Variants in MGAT5 observed in about 807,000 individuals in gnomAD.
MGAT5 encodes alpha-1,6-mannosylglycoprotein 6-beta-N-acetylglucosaminyltransferase A.
Under a neutral mutation model 94.3 loss-of-function variants are expected in MGAT5, and 30 were observed. The observed-to-expected ratio is 0.32, with a 90% CI of 0.24 to 0.43. MGAT5 has a LOEUF of 0.43. Among genes scored for constraint, MGAT5 ranks in the 20% least tolerant of loss-of-function variants. The pLI is 1.00. For missense variants in MGAT5, 691 were observed against 905.5 expected (o/e 0.76, Z 3.04); for synonymous variants, 310 against 322.9 (o/e 0.96, Z 0.43).
Position 134,341,638 on chromosome 2 carries a change from G to T in MGAT5, c.856G>T (p.Ala286Ser). The T allele has an allele frequency of 6.2e-7, 1 of 1,613,568 alleles. No homozygotes were observed. Among genetic ancestry groups the T allele is most frequent in the Non-Finnish European group, 8.5e-7 (1 of 1,179,734 alleles). Residue 286 changes from alanine (A) to serine (S), a missense_variant, in exon 7 of 16, where the codon GCA becomes TCA. Physicochemically the swap from Ala to Ser is moderately conservative, Grantham distance 99 (BLOSUM62 1). Around this residue, in one of 4 missense-constraint regions of MGAT5, gnomAD observed 121 missense variants for 206.1 expected, o/e 0.59. Coordinates refer to ENST00000281923, the MANE Select transcript of MGAT5 (RefSeq NM_002410.5). ...GACCAAGGAATCTGGATTTAAGATT[G>T]CAGAGACAGCTTTCAGTGGTGGCCC... ...LLTKESGFKI[A>S]ETAFSGGPLG...
intron 1 of MGAT5, among the ~76,000 whole-genome samples, chr2:134,224,283 C>T (rs1292201539): frequency 6.6e-6 from 1 of 152,090 alleles, no homozygotes; most frequent in African/African-American, 2.4e-5. Flanking sequence ...TGGTATCTTC[C>T]ATAAGTATTA....
chr2:134,311,630 A>G (rs143450885), intron 2 of MGAT5, among the ~76,000 whole-genome samples: 205 of 152,212 alleles, frequency 1.3e-3, no homozygotes, highest in Non-Finnish European at 2.2e-3. Flanking sequence ...ACATGGTACC[A>G]CCTTTAAGCA....
At chr2:134,435,753 T>G (rs562939221) in intron 14 of MGAT5, among the ~76,000 whole-genome samples, 8 of 152,334 alleles carry the variant, frequency 5.3e-5, no homozygotes, top group African/African-American at 1.4e-4. Flanking sequence ...CTCTGAGCCC[T>G]TATGCTTTTC....
rs1283419141 is a variant in MGAT5 at position 134,268,421 on chromosome 2, A to G, written c.242-1965A>G. Among the ~76,000 whole-genome samples, 1 of 152,116 alleles carries G rather than the reference A, an allele frequency of 6.6e-6. No individual in the cohort carries two copies. The highest frequency in any genetic ancestry group is 1.5e-5 in the Non-Finnish European group (1 of 68,026). On this transcript the variant is annotated intron_variant, in intron 1 of 15. Coordinates refer to ENST00000281923, the MANE Select transcript of MGAT5 (RefSeq NM_002410.5). The surrounding 1 kb of genome is among the most constrained non-coding windows in gnomAD (Gnocchi z 4.1). ...CCCTTCTGTGTGACTGGCCTCTGGC[A>G]CTCTTCAGAACTCTGGAGAGCCAGT...
chr2:134,147,824 A>C (rs1161905506), intron 1 of MGAT5, among the ~76,000 whole-genome samples: 3 of 152,224 alleles, frequency 2.0e-5, no homozygotes, highest in African/African-American at 7.2e-5. Context: ...GATGGGAAAA[A>C]AATAGACGCT....
At chr2:134,154,237 G>A (rs1687370871) in intron 1 of MGAT5, among the ~76,000 whole-genome samples, 1 of 152,160 alleles carries the variant, frequency 6.6e-6, no homozygotes, top group Non-Finnish European at 1.5e-5. Context: ...CTTCAGAGGG[G>A]CACTTGGCCC....
rs536607426 is a variant in MGAT5, at chr2:134,402,136, C to CA, written c.1381-845dup. On this transcript the variant is annotated intron_variant, in intron 10 of 15. Coordinates refer to ENST00000281923, the MANE Select transcript of MGAT5 (RefSeq NM_002410.5). ...AGAATTTGACTTTTTGAAAATTTCC[C>CA]AAAAAAAGGAAAAGAAAAACCCACA... Among the ~76,000 whole-genome samples, 16 of 151,946 alleles carry CA rather than the reference C, an allele frequency of 1.1e-4. No homozygotes were observed. In the East Asian group the frequency reaches 2.1e-3, roughly 20 times the overall value.
At chr2:134,272,323 G>T (rs1276049012) in intron 2 of MGAT5, among the ~76,000 whole-genome samples, 2 of 151,950 alleles carry the variant, frequency 1.3e-5, no homozygotes, top group African/African-American at 4.8e-5. Flanking sequence ...TGTGCCACTG[G>T]TGCTGTGTTT....
chr2:134,325,505 T>G (rs532850108), intron 4 of MGAT5, among the ~76,000 whole-genome samples: 1 of 152,238 alleles, frequency 6.6e-6, no homozygotes, highest in South Asian at 2.1e-4. Context: ...CCTCCTCTGC[T>G]TCATTATTTT....
Position 134,381,387 on chromosome 2 carries a change from T to TAGGATA in MGAT5, c.1380+18981_1380+18982insGATAAG, listed in dbSNP as rs1558841779. On this transcript the variant is annotated intron_variant, in intron 10 of 15. Coordinates refer to ENST00000281923, the MANE Select transcript of MGAT5 (RefSeq NM_002410.5). ...GATAGATAAGATAAGATAGATTAGA[T>TAGGATA]AGATAGATAGATAGATAGATAGATA... is the stretch of plus-strand genomic sequence containing the variant. 7.8e-3 allele frequency among the ~76,000 whole-genome samples: 365 copies of TAGGATA among 46,886 alleles called. 2 individuals are homozygous for TAGGATA. Among genetic ancestry groups the TAGGATA allele is most frequent in the South Asian group, 0.038 (61 of 1,618 alleles). The allele number at this position is 46,886 out of a possible 152,430, so 30.8% of individuals were successfully genotyped here. A position where few individuals can be genotyped will look rare whatever the true frequency, so the allele number is the denominator to read the frequency against.
In MGAT5 at chr2:134,430,262, A is replaced by G. The variant is rs113098246; in HGVS notation, c.1869+1823A>G. On this transcript the variant is annotated intron_variant, in intron 14 of 15. Coordinates refer to ENST00000281923, the MANE Select transcript of MGAT5 (RefSeq NM_002410.5). ...AAATAGTTACCCAACTGCCAGGCAT[A>G]AATGACTCTTGATCAGGTTTATTTG... Among the ~76,000 whole-genome samples, 37 of 152,362 alleles carry G rather than the reference A, an allele frequency of 2.4e-4. 1 individual carries two copies. The highest frequency in any genetic ancestry group is 8.7e-4 in the African/African-American group (36 of 41,584).
intron 10 of MGAT5, among the ~76,000 whole-genome samples, chr2:134,379,992 T>G (rs1186902314): frequency 6.6e-6 from 1 of 152,208 alleles, no homozygotes; most frequent in Non-Finnish European, 1.5e-5. Context: ...AAAACAAGAA[T>G]GACATGAACA....
chr2:134,132,332 A>G (rs928284601), intron 1 of MGAT5, among the ~76,000 whole-genome samples: 1 of 152,302 alleles, frequency 6.6e-6, no homozygotes, highest in Non-Finnish European at 1.5e-5. Flanking sequence ...ATCTTGTAAT[A>G]TGGTGGCTTT....
chr2:134,342,343 C>G (rs1223256929), intron 7 of MGAT5, among the ~76,000 whole-genome samples: 1 of 152,140 alleles, frequency 6.6e-6, no homozygotes, highest in African/African-American at 2.4e-5. Flanking sequence ...GCTTCCATCC[C>G]CTGCAGTCAC....
intron 4 of MGAT5, chr2:134,319,929 T>G (rs534302448): frequency 3.9e-6 from 1 of 255,508 alleles, no homozygotes; most frequent in Non-Finnish European, 7.9e-6. Context: ...CTTCTTTTTC[T>G]CTCATGAGGA....
intron 2 of MGAT5, among the ~76,000 whole-genome samples, chr2:134,312,467 G>C: frequency 6.6e-6 from 1 of 152,106 alleles, no homozygotes; most frequent in Non-Finnish European, 1.5e-5. Context: ...TCCAAGTAAG[G>C]CTCTCCCACT....
intron 10 of MGAT5, among the ~76,000 whole-genome samples, chr2:134,376,304 CCTT>C (rs1182317887): frequency 5.9e-5 from 9 of 152,140 alleles, no homozygotes; most frequent in Admixed American, 4.6e-4. Flanking sequence ...CTCCTTTTCT[CCTT>C]CTTCCCCTTC....
chr2:134,128,706 G>A (rs901539926), intron 1 of MGAT5, among the ~76,000 whole-genome samples: 1 of 152,056 alleles, frequency 6.6e-6, no homozygotes, highest in Non-Finnish European at 1.5e-5. Flanking sequence ...CTACAGGCAT[G>A]TGTCACCACG....
intron 4 of MGAT5, among the ~76,000 whole-genome samples, chr2:134,333,036 A>G (rs1688081255): frequency 6.6e-6 from 1 of 152,214 alleles, no homozygotes; most frequent in Non-Finnish European, 1.5e-5. Context: ...GCGATTCCTC[A>G]GGGATCTAGA....
Sources: allele counts gnomAD v4.1 joint callset (sites outside exome capture counted in the v4.1 genomes callset), GRCh38; gene constraint gnomAD v4.1.1; regional missense constraint gnomAD v4.1.1; non-coding constraint Gnocchi (gnomAD v3.1); transcripts MANE v1.5; gene names NCBI Gene and HGNC (gene_info 2026-07-23, HGNC 2026-07-21).